The following ZFAT variants were observed in gnomAD, a reference collection of about 807,000 sequenced individuals.
ZFAT encodes zinc finger and AT-hook domain containing, also known as zinc finger protein ZFAT.
In ZFAT, 64 loss-of-function variants were observed where a neutral mutation model predicts 117.7. The ratio of observed to expected loss-of-function variants is 0.54; its 90% confidence interval spans 0.44 to 0.67. The LOEUF (loss-of-function observed/expected upper bound fraction) is 0.67, where lower values mean the gene tolerates loss of function less well. ZFAT is among the 30% of genes least tolerant of loss of function. ZFAT has a pLI of 0.00. For synonymous variants in ZFAT, 679 were observed against 615.0 expected, an observed-to-expected ratio of 1.10 and a Z score of -1.54; for missense variants, 1,433 against 1,584.5, an observed-to-expected ratio of 0.90 and a Z score of 1.62.
chr8:134,810,872 G>T, the ZFAT span, among the ~76,000 whole-genome samples: 91 of 152,254 alleles, frequency 6.0e-4, no homozygotes, highest in African/African-American at 2.1e-3. Flanking sequence ...CTGACCATGA[G>T]GGGCATAATC....
At chr8:134,619,178 A>C (rs1194799255) in intron 3 of ZFAT, among the ~76,000 whole-genome samples, 1 of 152,192 alleles carries the variant, frequency 6.6e-6, no homozygotes, top group African/African-American at 2.4e-5. Flanking sequence ...ATCCTATCTT[A>C]AATGTGCTCA....
intron 3 of ZFAT, among the ~76,000 whole-genome samples, chr8:134,632,400 G>A (rs1382019165): frequency 6.6e-6 from 1 of 152,190 alleles, no homozygotes; most frequent in Non-Finnish European, 1.5e-5. Flanking sequence ...TAAGTTTGAG[G>A]AGAGTCAAAA....
intron 5 of ZFAT, 47 bp downstream of exon 5, chr8:134,608,682 C>T (rs371172298): frequency 8.8e-6 from 14 of 1,592,572 alleles, no homozygotes; most frequent in African/African-American, 1.4e-5. Flanking sequence ...GTGGAGTTCA[C>T]TCACATGCAA....
At chr8:134,567,760 T>G (rs1357452834) in intron 10 of ZFAT, among the ~76,000 whole-genome samples, 1 of 143,956 alleles carries the variant, frequency 6.9e-6, no homozygotes, top group Non-Finnish European at 1.5e-5. Flanking sequence ...ACTGAACTCC[T>G]TGAGTTCTCC....
At chr8:134,533,182 G>A (rs1490692478) in intron 11 of ZFAT, among the ~76,000 whole-genome samples, 1 of 152,242 alleles carries the variant, frequency 6.6e-6, no homozygotes, top group East Asian at 1.9e-4. Context: ...AGGTGCCCCA[G>A]AGGAGGAGCT....
At chr8:134,733,781 T>A in the ZFAT span, among the ~76,000 whole-genome samples, 1 of 152,244 alleles carries the variant, frequency 6.6e-6, no homozygotes, top group Non-Finnish European at 1.5e-5. Flanking sequence ...TGTCCTGACA[T>A]GACTTGATGG....
At chr8:134,601,331 A>G (rs1827434935) in intron 6 of ZFAT, 146 bp downstream of exon 6, 1 of 1,230,034 alleles carries the variant, frequency 8.1e-7, no homozygotes, top group East Asian at 2.5e-5. Flanking sequence ...ACGGCCACAC[A>G]GGGTCACCGT....
At chr8:134,543,837 A>G (rs1417825558) in intron 11 of ZFAT, among the ~76,000 whole-genome samples, 3 of 152,140 alleles carry the variant, frequency 2.0e-5, no homozygotes, top group Non-Finnish European at 2.9e-5. Flanking sequence ...CAAAGCATAA[A>G]TCGTGGGATG....
the ZFAT span, among the ~76,000 whole-genome samples, chr8:134,722,011 G>T: frequency 6.6e-6 from 1 of 152,192 alleles, no homozygotes; most frequent in African/African-American, 2.4e-5. Context: ...AGCATTTATG[G>T]CGTGCCCACC....
chr8:134,754,596 G>A, the ZFAT span, among the ~76,000 whole-genome samples: 1 of 152,232 alleles, frequency 6.6e-6, no homozygotes, highest in Non-Finnish European at 1.5e-5. Flanking sequence ...AAGTCACTCA[G>A]TCTTGCCTGC....
intron 1 of ZFAT, among the ~76,000 whole-genome samples, chr8:134,678,355 G>A (rs925059133): frequency 2.0e-5 from 3 of 152,084 alleles, no homozygotes; most frequent in Non-Finnish European, 4.4e-5. Context: ...GCTACAAAGA[G>A]AATAAAATAC....
At chr8:134,493,731 T>A (rs1023897553) in intron 15 of ZFAT, among the ~76,000 whole-genome samples, 1 of 152,190 alleles carries the variant, frequency 6.6e-6, no homozygotes, top group Non-Finnish European at 1.5e-5. Context: ...AGGAACGGTC[T>A]GCTGCCCCCT....
Position 134,601,536 on chromosome 8 carries a change from T to C in ZFAT, c.2183A>G (p.Asn728Ser). The C allele has an allele frequency of 6.2e-7, 1 of 1,614,188 alleles. No individual in the cohort carries two copies. Among genetic ancestry groups the C allele is most frequent in the Non-Finnish European group, 8.5e-7 (1 of 1,180,026 alleles). The change falls in exon 6 of 16, where the codon AAC becomes AGC. Residue 728 changes from asparagine (N) to serine (S), a missense_variant. Physicochemically the swap from Asn to Ser is conservative, Grantham distance 46. Around this residue, in one of 5 missense-constraint regions of ZFAT, gnomAD observed 372 missense variants for 355.6 expected, o/e 1.05. Transcript: ENST00000377838. ...CCGGATCCGCTCACACAAGCTGGTG[T>C]TCATTTGCTTCTTCTGTAAACTGTT... ...VLNSLQKKQM[N>S]TSLCERIRKV...
chr8:134,679,246 AAAAC>A (rs1291796971), intron 1 of ZFAT, among the ~76,000 whole-genome samples: 13 of 152,356 alleles, frequency 8.5e-5, no homozygotes, highest in Middle Eastern at 3.4e-3. Flanking sequence ...TTACAAGAAA[AAAAC>A]AAACAACCCC....
intron 2 of ZFAT, among the ~76,000 whole-genome samples, chr8:134,653,988 T>C (rs2131186860): frequency 6.6e-6 from 1 of 152,306 alleles, no homozygotes; most frequent in South Asian, 2.1e-4. Flanking sequence ...TATATTGCTT[T>C]AATTTTCTTT....
the ZFAT span, among the ~76,000 whole-genome samples, chr8:134,722,242 T>A: frequency 2.0e-5 from 3 of 150,812 alleles, no homozygotes; most frequent in Admixed American, 1.3e-4. Flanking sequence ...GGGTGGAGAG[T>A]CCCTGGGAAC....
At chr8:134,773,984 ATTTTTTTTTTTTTTTT>A in the ZFAT span, among the ~76,000 whole-genome samples, 3 of 103,300 alleles carry the variant, frequency 2.9e-5, no homozygotes, top group Admixed American at 3.2e-4. Context: ...TTGAGGATTA[ATTTTTTTTTTTTTTTT>A]TTTTTTTTTT....
At chr8:134,808,856 C>T in the ZFAT span, among the ~76,000 whole-genome samples, 1 of 152,180 alleles carries the variant, frequency 6.6e-6, no homozygotes, top group Non-Finnish European at 1.5e-5. Context: ...TCTGAAGTAT[C>T]CATTTCAGAT....
upstream of ZFAT, among the ~76,000 whole-genome samples, chr8:134,717,356 C>T (rs1028298735): frequency 1.4e-5 from 2 of 147,608 alleles, no homozygotes; most frequent in African/African-American, 5.0e-5. Context: ...CTCAGTGCAC[C>T]TGGGAAGGAG....
Sources: gnomAD v4.1 joint callset for allele counts (sites outside exome capture counted in the v4.1 genomes callset) on GRCh38, gnomAD v4.1.1 for gene constraint, gnomAD v4.1.1 regional missense constraint, MANE v1.5 for transcripts, NCBI Gene and HGNC (gene_info 2026-07-23, HGNC 2026-07-21) for gene names.